Variants in SCFD2 observed in about 807,000 individuals in gnomAD.
SCFD2 encodes sec1 family domain containing 2, also known as sec1 family domain-containing protein 2.
A neutral mutation model predicts 58.9 loss-of-function variants in SCFD2; 54 were observed. The observed-to-expected ratio is 0.92, with a 90% CI of 0.74 to 1.15. The LOEUF (loss-of-function observed/expected upper bound fraction) is 1.15. SCFD2 is among the 50% of genes most tolerant of loss of function. The pLI is 0.00. For missense variants in SCFD2, 805 were observed against 836.6 expected (o/e 0.96, Z 0.47); for synonymous variants, 321 against 335.9 (o/e 0.96, Z 0.49).
intron 6 of SCFD2, among the ~76,000 whole-genome samples, chr4:52,916,153 C>T (rs1260214954): frequency 6.6e-6 from 1 of 152,274 alleles, no homozygotes; most frequent in Non-Finnish European, 1.5e-5. Context: ...CCTGAGACAT[C>T]TGCCTAATAT....
chr4:53,164,994 A>C (rs1397637417), intron 4 of SCFD2, among the ~76,000 whole-genome samples: 1 of 152,146 alleles, frequency 6.6e-6, no homozygotes. Flanking sequence ...ATGACTGAAA[A>C]AGTTGTGTTT....
At chr4:53,287,994 C>T (rs1731722242) in intron 3 of SCFD2, among the ~76,000 whole-genome samples, 1 of 152,080 alleles carries the variant, frequency 6.6e-6, no homozygotes, top group Non-Finnish European at 1.5e-5. Flanking sequence ...AATCCCACCA[C>T]TTTGGGAGGC....
At chr4:53,164,422 G>C (rs1398719787) in intron 4 of SCFD2, among the ~76,000 whole-genome samples, 1 of 152,110 alleles carries the variant, frequency 6.6e-6, no homozygotes, top group Non-Finnish European at 1.5e-5. Flanking sequence ...ACGTGCCTAG[G>C]TCCAGCCAGC....
chr4:52,986,941 T>C (rs985654078), intron 5 of SCFD2, among the ~76,000 whole-genome samples: 6 of 152,252 alleles, frequency 3.9e-5, no homozygotes, highest in African/African-American at 1.4e-4. Flanking sequence ...AATGGGAGTT[T>C]CATGTGGCTC....
intron 5 of SCFD2, among the ~76,000 whole-genome samples, chr4:52,969,114 T>C (rs923096665): frequency 2.0e-5 from 3 of 152,166 alleles, no homozygotes; most frequent in African/African-American, 7.2e-5. Flanking sequence ...AGCCAGACTC[T>C]CCCTCACCCG....
intron 4 of SCFD2, among the ~76,000 whole-genome samples, chr4:53,197,891 A>G (rs1728108919): frequency 6.6e-6 from 1 of 152,104 alleles, no homozygotes; most frequent in Non-Finnish European, 1.5e-5. Flanking sequence ...ATTTACAAGT[A>G]TAAGAATGTC....
intron 7 of SCFD2, among the ~76,000 whole-genome samples, chr4:52,905,469 C>T (rs996319088): frequency 6.6e-6 from 1 of 152,168 alleles, no homozygotes; most frequent in African/African-American, 2.4e-5. Flanking sequence ...TCTCCCCCAC[C>T]CCCTGTAGAT....
intron 5 of SCFD2, among the ~76,000 whole-genome samples, chr4:53,042,376 T>C (rs752801871): frequency 6.6e-6 from 1 of 152,118 alleles, no homozygotes; most frequent in Admixed American, 6.6e-5. Flanking sequence ...CCAAGAACAC[T>C]GGGCCTTCAT....
chr4:53,189,930 C>T (rs1727845380), intron 4 of SCFD2, among the ~76,000 whole-genome samples: 1 of 152,108 alleles, frequency 6.6e-6, no homozygotes, highest in Non-Finnish European at 1.5e-5. Flanking sequence ...TAAATTTTTG[C>T]TGAAAAATGA....
At chr4:52,917,681 C>A (rs572980811) in intron 6 of SCFD2, among the ~76,000 whole-genome samples, 1 of 152,264 alleles carries the variant, frequency 6.6e-6, no homozygotes, top group East Asian at 1.9e-4. Context: ...CCCTGGAGGG[C>A]CAGGCCTGTG....
At chr4:53,302,333 A>C (rs62324295) in intron 3 of SCFD2, among the ~76,000 whole-genome samples, 1 of 152,236 alleles carries the variant, frequency 6.6e-6, no homozygotes, top group African/African-American at 2.4e-5. Flanking sequence ...CCAAATCATC[A>C]GTGAATTCCC....
intron 4 of SCFD2, among the ~76,000 whole-genome samples, chr4:53,190,927 A>G (rs546894294): frequency 1.3e-5 from 2 of 152,360 alleles, no homozygotes; most frequent in East Asian, 3.9e-4. Flanking sequence ...ATATTCCCTT[A>G]TATTACAGAA....
chr4:52,960,407 TGCCCAG>T (rs1204086214), intron 5 of SCFD2, among the ~76,000 whole-genome samples: 3 of 151,160 alleles, frequency 2.0e-5, no homozygotes, highest in African/African-American at 7.3e-5. Context: ...TCGCTCTTGT[TGCCCAG>T]GCTGGAGTGC....
chr4:53,093,664 C>T (rs2148868149), intron 5 of SCFD2, among the ~76,000 whole-genome samples: 1 of 152,212 alleles, frequency 6.6e-6, no homozygotes, highest in Non-Finnish European at 1.5e-5. Context: ...AAGCTCTTTA[C>T]ATGCTGATAT....
chr4:53,056,389 T>C (rs972023594), intron 5 of SCFD2, among the ~76,000 whole-genome samples: 12 of 152,160 alleles, frequency 7.9e-5, no homozygotes, highest in African/African-American at 1.7e-4. Context: ...CTGGGCTTCA[T>C]CAAGTCTCAA....
At chr4:53,072,352 A>G (rs1426380788) in intron 5 of SCFD2, among the ~76,000 whole-genome samples, 1 of 152,074 alleles carries the variant, frequency 6.6e-6, no homozygotes, top group African/African-American at 2.4e-5. Flanking sequence ...TTTCTTTTTT[A>G]ACAAAGAACA....
intron 4 of SCFD2, among the ~76,000 whole-genome samples, chr4:53,200,006 C>G (rs1728181968): frequency 6.6e-6 from 1 of 151,960 alleles, no homozygotes; most frequent in Non-Finnish European, 1.5e-5. Flanking sequence ...TCTCTTGTGT[C>G]TCTTTTAATA....
At chr4:53,084,495 T>C (rs1724246041) in intron 5 of SCFD2, among the ~76,000 whole-genome samples, 1 of 152,168 alleles carries the variant, frequency 6.6e-6, no homozygotes, top group Non-Finnish European at 1.5e-5. Flanking sequence ...ATTATCACAG[T>C]GGTCCTGAGG....
At chr4:53,202,193 A>G (rs370983230) in intron 4 of SCFD2, among the ~76,000 whole-genome samples, 1 of 152,020 alleles carries the variant, frequency 6.6e-6, no homozygotes, top group Non-Finnish European at 1.5e-5. Context: ...ATCTTGAATT[A>G]ATTTTTGTAT....
Sources: gnomAD v4.1 joint callset for allele counts (sites outside exome capture counted in the v4.1 genomes callset) on GRCh38, gnomAD v4.1.1 for gene constraint, MANE v1.5 for transcripts, NCBI Gene and HGNC (gene_info 2026-07-23, HGNC 2026-07-21) for gene names.